RORB: variants seen among roughly 807,000 people sequenced by gnomAD.
RORB encodes the protein nuclear receptor ROR-beta.
Under a neutral mutation model 59.1 loss-of-function variants are expected in RORB, and 6 were observed. The ratio of observed to expected loss-of-function variants is 0.10; its 90% confidence interval spans 0.06 to 0.20. The LOEUF (loss-of-function observed/expected upper bound fraction) is 0.20, where lower values mean the gene tolerates loss of function less well. RORB is among the 10% of genes least tolerant of loss of function. The pLI is 1.00. For synonymous variants in RORB, 215 were observed against 204.5 expected, an observed-to-expected ratio of 1.05 and a Z score of -0.44; for missense variants, 320 against 560.5, an observed-to-expected ratio of 0.57 and a Z score of 4.33.
At chr9:74,585,348 T>C (rs922076585) in intron 1 of RORB, among the ~76,000 whole-genome samples, 7 of 152,216 alleles carry the variant, frequency 4.6e-5, no homozygotes, top group Admixed American at 3.9e-4. Flanking sequence ...AGTAAAAATA[T>C]ATGAAAATAC....
intron 1 of RORB, among the ~76,000 whole-genome samples, chr9:74,605,697 T>G (rs565140969): frequency 5.5e-4 from 84 of 152,344 alleles, no homozygotes; most frequent in Middle Eastern, 3.4e-3. Flanking sequence ...ACGTCTTTCT[T>G]GAAATGCTCT....
chr9:74,677,250 A>C (rs2118561134), intron 9 of RORB, among the ~76,000 whole-genome samples: 1 of 152,316 alleles, frequency 6.6e-6, no homozygotes, highest in East Asian at 1.9e-4. Flanking sequence ...AAGACGAGAA[A>C]GGGAGGCGTT....
At chr9:74,679,901 G>A (rs760696080) in intron 9 of RORB, among the ~76,000 whole-genome samples, 19 of 152,118 alleles carry the variant, frequency 1.2e-4, no homozygotes, top group Non-Finnish European at 2.1e-4. Context: ...AAGAGGTCAA[G>A]ACCAGACTGG....
At position 74,586,600 on chromosome 9, in the gene RORB, CGTGTGTGTGTGTGT is replaced by C. The variant is rs1313500289; in HGVS notation, c.8-43657_8-43644del. Among the ~76,000 whole-genome samples the C allele has an allele frequency of 4.2e-5, 6 of 141,200 alleles. No homozygotes were observed. In the South Asian group the frequency reaches 7.2e-4, roughly 17 times the overall value. The allele number at this position is 141,200 out of a possible 152,430, so 92.6% of individuals were successfully genotyped here. ...TGCAAATGAGTACATATGTAATGTC[CGTGTGTGTGTGTGT>C]GTGTGTGTGTGTGTGTGTGTGTGTA... is the stretch of plus-strand genomic sequence containing the variant. On this transcript the variant is annotated intron_variant, in intron 1 of 9. Transcript: ENST00000376896.
intron 1 of RORB, among the ~76,000 whole-genome samples, chr9:74,585,341 A>G (rs1352286782): frequency 6.6e-6 from 1 of 152,140 alleles, no homozygotes; most frequent in Non-Finnish European, 1.5e-5. Flanking sequence ...CTGAAAGAGT[A>G]AAAATATATG....
intron 1 of RORB, among the ~76,000 whole-genome samples, chr9:74,532,804 G>A (rs13283886): frequency 0.26 from 37,124 of 142,934 alleles, 5,417 homozygotes; most frequent in East Asian, 0.75. Context: ...ACATAGATAC[G>A]TATATATATA....
intron 1 of RORB, chr9:74,615,753 G>T (rs549033817): frequency 3.6e-6 from 1 of 275,786 alleles, no homozygotes; most frequent in South Asian, 3.1e-5. Context: ...CTAGGTGTGG[G>T]GACAAAAAAA....
intron 1 of RORB, among the ~76,000 whole-genome samples, chr9:74,590,953 G>A (rs1822879936): frequency 6.6e-6 from 1 of 151,976 alleles, no homozygotes; most frequent in Non-Finnish European, 1.5e-5. Flanking sequence ...ATGCCACCAG[G>A]CCCAGCTAAC....
In RORB at chr9:74,690,506, T is replaced by C. The variant is rs1824724403; in HGVS notation, c.*4888T>C. ...GAAATTATACATGATGGCAGTTGAT[T>C]CAGAGCTTAGTGCAGACCAAACAAA... On this transcript the variant is annotated 3_prime_UTR_variant, in exon 10 of 10. Transcript: ENST00000376896. 1 of 152,174 alleles carries C rather than the reference T, an allele frequency of 6.6e-6. No homozygotes were observed. Among genetic ancestry groups the C allele is most frequent in the African/African-American group, 2.4e-5 (1 of 41,444 alleles). 9.4% of individuals were successfully genotyped at this position (152,174 alleles called of 1,614,324 possible).
At chr9:74,510,750 A>C (rs1414113255) in intron 1 of RORB, among the ~76,000 whole-genome samples, 2 of 152,206 alleles carry the variant, frequency 1.3e-5, no homozygotes, top group East Asian at 3.8e-4. Flanking sequence ...AAAAAATTGT[A>C]CCAGATCAAA....
intron 4 of RORB, among the ~76,000 whole-genome samples, chr9:74,653,624 C>A (rs1411772522): frequency 6.6e-6 from 1 of 152,128 alleles, no homozygotes; most frequent in African/African-American, 2.4e-5. Context: ...TGAGGCTCAG[C>A]TTTCTTGCCT....
chr9:74,666,322 A>C (rs1362058890), intron 7 of RORB, among the ~76,000 whole-genome samples: 1 of 151,652 alleles, frequency 6.6e-6, no homozygotes, highest in Admixed American at 6.6e-5. Context: ...TTAGCTGGGC[A>C]TGGTGACACA....
intron 1 of RORB, among the ~76,000 whole-genome samples, chr9:74,581,250 T>C (rs1822718609): frequency 6.6e-6 from 1 of 152,032 alleles, no homozygotes; most frequent in African/African-American, 2.4e-5. Context: ...ACCAAAAAAA[T>C]GCACCTATGA....
intron 9 of RORB, among the ~76,000 whole-genome samples, chr9:74,681,495 G>A (rs1176784539): frequency 6.6e-6 from 1 of 152,182 alleles, no homozygotes; most frequent in Admixed American, 6.5e-5. Flanking sequence ...CGCCTTCTCT[G>A]TGCTGTTTGC....
intron 1 of RORB, among the ~76,000 whole-genome samples, chr9:74,552,979 T>C (rs1268483827): frequency 6.6e-6 from 1 of 152,016 alleles, no homozygotes; most frequent in Non-Finnish European, 1.5e-5. Flanking sequence ...GAGGAAGAAA[T>C]AAACTTGGAA....
intron 4 of RORB, among the ~76,000 whole-genome samples, chr9:74,657,069 C>T (rs7357785): frequency 0.048 from 7,292 of 152,068 alleles, 284 homozygotes; most frequent in East Asian, 0.19. Flanking sequence ...TTTTTTGAGA[C>T]GGAGTCACGC....
At chr9:74,684,127 G>C (rs1190698955) in intron 9 of RORB, among the ~76,000 whole-genome samples, 1 of 152,178 alleles carries the variant, frequency 6.6e-6, no homozygotes, top group African/African-American at 2.4e-5. Flanking sequence ...TACTGAATAT[G>C]TCAACAGCTC....
chr9:74,622,365 G>C (rs12341677), intron 1 of RORB, among the ~76,000 whole-genome samples: 2,592 of 152,202 alleles, frequency 0.017, 61 homozygotes, highest in African/African-American at 0.056. Context: ...TTCATATAGA[G>C]AGCGAGAAAT....
At chr9:74,542,455 A>G (rs1250248227) in intron 1 of RORB, among the ~76,000 whole-genome samples, 1 of 152,200 alleles carries the variant, frequency 6.6e-6, no homozygotes, top group Non-Finnish European at 1.5e-5. Flanking sequence ...GACTTAGTGA[A>G]GACATTATCC....
Sources: allele counts gnomAD v4.1 joint callset (sites outside exome capture counted in the v4.1 genomes callset), GRCh38; gene constraint gnomAD v4.1.1; transcripts MANE v1.5; gene names NCBI Gene and HGNC (gene_info 2026-07-23, HGNC 2026-07-21).